The following LMNTD1 variants were observed in gnomAD, a reference collection of about 807,000 sequenced individuals.
The protein encoded by LMNTD1 is lamin tail domain containing 1.
LMNTD1 carries 35 observed loss-of-function variants against 50.9 expected under a neutral mutation model. The observed-to-expected ratio is 0.69, with a 90% CI of 0.53 to 0.91. The LOEUF is 0.91. Ranked by LOEUF, LMNTD1 falls within the 40% of genes least tolerant of loss-of-function variation. LMNTD1 has a pLI of 0.00. For missense variants in LMNTD1, 470 were observed against 475.5 expected, an observed-to-expected ratio of 0.99 and a Z score of 0.11; for synonymous variants, 153 against 161.9, an observed-to-expected ratio of 0.94 and a Z score of 0.42.
At chr12:25,578,609 T>G (rs1945137803) in intron 1 of LMNTD1, among the ~76,000 whole-genome samples, 2 of 152,188 alleles carry the variant, frequency 1.3e-5, no homozygotes, top group African/African-American at 4.8e-5. Context: ...CTGTGTAGAC[T>G]AGTGCAGATT....
chr12:25,577,189 C>T (rs1005421641), intron 1 of LMNTD1, among the ~76,000 whole-genome samples: 1 of 152,144 alleles, frequency 6.6e-6, no homozygotes, highest in African/African-American at 2.4e-5. Context: ...TTTATTGGTT[C>T]CATATGAACT....
At chr12:25,614,184 T>C (rs566368359) in intron 1 of LMNTD1, among the ~76,000 whole-genome samples, 2 of 152,284 alleles carry the variant, frequency 1.3e-5, no homozygotes, top group South Asian at 4.1e-4. Context: ...ATGTCCTCTT[T>C]TTTTTCTGTC....
chr12:25,489,622 C>T (rs1034841286), intron 9 of LMNTD1, among the ~76,000 whole-genome samples: 3 of 152,008 alleles, frequency 2.0e-5, no homozygotes, highest in Middle Eastern at 3.4e-3. Context: ...TAGACCGGAG[C>T]TGTTCCTATT....
At chr12:25,579,234 T>A (rs1945168727) in intron 1 of LMNTD1, among the ~76,000 whole-genome samples, 1 of 152,210 alleles carries the variant, frequency 6.6e-6, no homozygotes, top group South Asian at 2.1e-4. Flanking sequence ...ATATATTTTT[T>A]AAAATGAATA....
chr12:25,576,973 C>G (rs963349666), intron 1 of LMNTD1, among the ~76,000 whole-genome samples: 1 of 152,052 alleles, frequency 6.6e-6, no homozygotes. Flanking sequence ...GCTTGTTTTT[C>G]CCAGGTTTGT....
chr12:25,553,919 C>T (rs1047542816), upstream of LMNTD1, among the ~76,000 whole-genome samples: 3 of 151,634 alleles, frequency 2.0e-5, no homozygotes, highest in African/African-American at 7.3e-5. Flanking sequence ...TAAAAACTGG[C>T]TAGGTACCAT....
intron 8 of LMNTD1, among the ~76,000 whole-genome samples, chr12:25,511,652 A>ATAACTAT (rs944025903): frequency 6.6e-6 from 1 of 152,176 alleles, no homozygotes; most frequent in Non-Finnish European, 1.5e-5. Context: ...ACTATTAACT[A>ATAACTAT]TAACTATTAA....
At chr12:25,619,244 C>CTATA (rs1191217404) in intron 1 of LMNTD1, among the ~76,000 whole-genome samples, 2 of 73,652 alleles carry the variant, frequency 2.7e-5, no homozygotes, top group African/African-American at 1.1e-4. Flanking sequence ...CTCTCTCTCT[C>CTATA]TCTCTCTCTA....
intron 9 of LMNTD1, among the ~76,000 whole-genome samples, chr12:25,494,679 C>T (rs545394082): frequency 1.1e-4 from 16 of 151,990 alleles, no homozygotes; most frequent in South Asian, 4.1e-4. Context: ...TTATTTTTTT[C>T]CCCCAGCTTT....
At chr12:25,487,459 C>T (rs1238512281) in intron 9 of LMNTD1, among the ~76,000 whole-genome samples, 1 of 137,830 alleles carries the variant, frequency 7.3e-6, no homozygotes, top group Non-Finnish European at 1.5e-5. Context: ...ATTGCAACCC[C>T]TGCCTTTTTT....
intron 1 of LMNTD1, among the ~76,000 whole-genome samples, chr12:25,589,489 G>A (rs1945634200): frequency 6.6e-6 from 1 of 152,144 alleles, no homozygotes; most frequent in Non-Finnish European, 1.5e-5. Flanking sequence ...GGGAGACACA[G>A]GTGACTTCAA....
chr12:25,528,002 T>A (rs772916850), intron 4 of LMNTD1, among the ~76,000 whole-genome samples: 8 of 152,052 alleles, frequency 5.3e-5, no homozygotes, highest in Non-Finnish European at 8.8e-5. Context: ...TTGTAATCCC[T>A]GACAGGGTGT....
chr12:25,584,698 TAAA>T (rs1945447550), intron 1 of LMNTD1, among the ~76,000 whole-genome samples: 1 of 152,230 alleles, frequency 6.6e-6, no homozygotes, highest in Admixed American at 6.5e-5. Flanking sequence ...CTAACAGGGT[TAAA>T]ACTTATTTGG....
chr12:25,569,065 C>A lies in LMNTD1; in HGVS notation c.59-22511G>T, dbSNP rs113079352. 7.1e-3 allele frequency among the ~76,000 whole-genome samples: 1,083 copies of A among 152,382 alleles called. 11 individuals carry two copies. Among genetic ancestry groups the A allele is most frequent in the African/African-American group, 0.025 (1,046 of 41,588 alleles). ...TCTAGACCCCAGAATGGTAGAGCTA[C>A]TGGCAGCTTGCCCTCTGTGCCTAGA... On this transcript the variant is annotated intron_variant, in intron 1 of 7. Coordinates refer to the LMNTD1 transcript ENST00000445693.
At chr12:25,513,407 A>T (rs1940472943) in intron 8 of LMNTD1, among the ~76,000 whole-genome samples, 1 of 152,132 alleles carries the variant, frequency 6.6e-6, no homozygotes, top group African/African-American at 2.4e-5. Flanking sequence ...AGCACTTTGG[A>T]GGGCCAACAC....
chr12:25,539,872 A>G (rs1433244336), intron 4 of LMNTD1, among the ~76,000 whole-genome samples: 2 of 151,486 alleles, frequency 1.3e-5, no homozygotes, highest in South Asian at 2.1e-4. Context: ...AATAGACGCA[A>G]TAAAAAATCA....
At chr12:25,579,132 G>A (rs977211106) in intron 1 of LMNTD1, among the ~76,000 whole-genome samples, 4 of 152,152 alleles carry the variant, frequency 2.6e-5, no homozygotes, top group African/African-American at 9.7e-5. Context: ...TAGGCTATGA[G>A]TTATCTGTCA....
chr12:25,517,754 T>C (rs1183880445), intron 8 of LMNTD1, among the ~76,000 whole-genome samples: 2 of 47,852 alleles, frequency 4.2e-5, no homozygotes, highest in Non-Finnish European at 1.3e-4. Flanking sequence ...AATAAAAGAA[T>C]TCTAAGCAGG....
At chr12:25,566,938 C>A (rs1371042914) in intron 1 of LMNTD1, among the ~76,000 whole-genome samples, 2 of 152,158 alleles carry the variant, frequency 1.3e-5, no homozygotes, top group Non-Finnish European at 2.9e-5. Flanking sequence ...CCCTTGTGTG[C>A]AAATGAGAGA....
Sources: gnomAD v4.1 joint callset for allele counts (sites outside exome capture counted in the v4.1 genomes callset) on GRCh38, gnomAD v4.1.1 for gene constraint, MANE v1.5 for transcripts, NCBI Gene and HGNC (gene_info 2026-07-23, HGNC 2026-07-21) for gene names.